Variants in TIAM1 observed in about 807,000 individuals in gnomAD.
TIAM1 encodes the protein rho guanine nucleotide exchange factor TIAM1.
A neutral mutation model predicts 163.5 loss-of-function variants in TIAM1; 65 were observed. The ratio of observed to expected loss-of-function variants is 0.40; its 90% CI spans 0.33 to 0.49. The LOEUF (loss-of-function observed/expected upper bound fraction) is 0.49. Among genes scored for constraint, TIAM1 ranks in the 20% least tolerant of loss-of-function variants. The pLI, the probability that TIAM1 is intolerant of heterozygous loss-of-function variation, is 0.77. For missense variants in TIAM1, 1,789 were observed against 2,044.7 expected (o/e 0.87, Z 2.41); for synonymous variants, 833 against 810.1 (o/e 1.03, Z -0.48).
chr21:31,479,887 G>A (rs2833424), intron 1 of TIAM1, among the ~76,000 whole-genome samples: 37,902 of 151,784 alleles, frequency 0.25, 5,271 homozygotes, highest in African/African-American at 0.38. Context: ...CATTCCCGGC[G>A]TCTGCCCTCC....
chr21:31,514,053 G>A (rs555692565), intron 1 of TIAM1, among the ~76,000 whole-genome samples: 3 of 152,174 alleles, frequency 2.0e-5, no homozygotes, highest in Admixed American at 6.6e-5. Context: ...CCAAAGGCCT[G>A]CGACAGAGGG....
intron 2 of TIAM1, among the ~76,000 whole-genome samples, chr21:31,402,120 G>A (rs1042938432): frequency 6.6e-6 from 1 of 151,904 alleles, no homozygotes; most frequent in East Asian, 1.9e-4. Context: ...GGCTGAGGCA[G>A]GAGAATCGCT....
intron 2 of TIAM1, among the ~76,000 whole-genome samples, chr21:31,423,344 C>T (rs774940582): frequency 4.6e-5 from 7 of 151,980 alleles, no homozygotes; most frequent in African/African-American, 7.3e-5. Flanking sequence ...ATGATCCCCT[C>T]GCCTCGGCCT....
intron 14 of TIAM1, among the ~76,000 whole-genome samples, chr21:31,183,768 C>T (rs1251784735): frequency 2.7e-5 from 4 of 150,512 alleles, no homozygotes; most frequent in Non-Finnish European, 4.4e-5. Flanking sequence ...GATCTTGGCT[C>T]ACTGCAACCT....
intron 8 of TIAM1, among the ~76,000 whole-genome samples, chr21:31,223,133 T>C (rs770118395): frequency 6.6e-6 from 1 of 152,116 alleles, no homozygotes; most frequent in African/African-American, 2.4e-5. Context: ...ACAAGAGCTA[T>C]CAACAAATAC....
chr21:31,402,934 A>G (rs151027127), intron 2 of TIAM1, among the ~76,000 whole-genome samples: 5,267 of 152,144 alleles, frequency 0.035, 137 homozygotes, highest in Non-Finnish European at 0.051. Context: ...CCTGGGCGAC[A>G]GAGTGAGACT....
At chr21:31,450,385 G>A (rs773891532) in intron 2 of TIAM1, among the ~76,000 whole-genome samples, 3 of 152,144 alleles carry the variant, frequency 2.0e-5, no homozygotes, top group Non-Finnish European at 2.9e-5. Context: ...TCCTCCTGTA[G>A]CTCTATTGTT....
intron 1 of TIAM1, among the ~76,000 whole-genome samples, chr21:31,340,659 C>T (rs948473893): frequency 3.9e-5 from 6 of 152,110 alleles, no homozygotes; most frequent in Non-Finnish European, 8.8e-5. Context: ...ACCGCCATGA[C>T]CAGCTTCCAA....
At chr21:31,365,869 C>A (rs1276836592) in intron 2 of TIAM1, among the ~76,000 whole-genome samples, 1 of 151,606 alleles carries the variant, frequency 6.6e-6, no homozygotes, top group Non-Finnish European at 1.5e-5. Flanking sequence ...TTGGAAGGCT[C>A]AGGCAGGTGG....
At chr21:31,387,055 C>T (rs1330435406) in intron 2 of TIAM1, among the ~76,000 whole-genome samples, 2 of 152,132 alleles carry the variant, frequency 1.3e-5, no homozygotes, top group South Asian at 2.1e-4. Flanking sequence ...TTAGCTGTGG[C>T]ACCACCTGCC....
intron 15 of TIAM1, among the ~76,000 whole-genome samples, chr21:31,168,013 T>G (rs1307320752): frequency 6.6e-6 from 1 of 151,144 alleles, no homozygotes; most frequent in Non-Finnish European, 1.5e-5. Context: ...GAAAAAGAGA[T>G]GGAAAAAGAA....
At chr21:31,379,293 C>T (rs2076739139) in intron 2 of TIAM1, among the ~76,000 whole-genome samples, 1 of 152,136 alleles carries the variant, frequency 6.6e-6, no homozygotes, top group Admixed American at 6.6e-5. Context: ...ATATAAGGAA[C>T]TTGAGCAGCC....
intron 1 of TIAM1, among the ~76,000 whole-genome samples, chr21:31,516,104 T>A (rs1355878756): frequency 7.9e-6 from 1 of 126,716 alleles, no homozygotes; most frequent in African/African-American, 3.3e-5. Context: ...CGAGACTCCA[T>A]CTCAAAAAAA....
At chr21:31,380,948 T>C (rs530631124) in intron 2 of TIAM1, among the ~76,000 whole-genome samples, 67 of 152,318 alleles carry the variant, frequency 4.4e-4, no homozygotes, top group Admixed American at 7.2e-4. Flanking sequence ...AGCTTCTCTA[T>C]AGGTAAAATG....
intron 1 of TIAM1, among the ~76,000 whole-genome samples, chr21:31,522,113 C>T (rs974696666): frequency 1.3e-5 from 2 of 151,820 alleles, no homozygotes; most frequent in African/African-American, 2.4e-5. Flanking sequence ...CCTTGTGATC[C>T]GCCCGCCTCG....
rs139038897 is a variant in TIAM1, at chr21:31,379,601, T to C, written c.-368-40179A>G. ...AGTTTCGTAGCAGCATTAGCTGTTA[T>C]GGCCAAAAAGAAAAATAACCCAAAT... is the stretch of plus-strand genomic sequence containing the variant. On this transcript the variant is annotated intron_variant, in intron 2 of 28. Coordinates refer to the TIAM1 transcript ENST00000286827. Among the ~76,000 whole-genome samples the C allele has an allele frequency of 1.5e-3, 232 of 152,096 alleles. 1 individual carries two copies. Among genetic ancestry groups the C allele is most frequent in the African/African-American group, 4.6e-3 (192 of 41,504 alleles).
chr21:31,553,963 T>C (rs937325954), intron 1 of TIAM1, among the ~76,000 whole-genome samples: 3 of 152,078 alleles, frequency 2.0e-5, no homozygotes, highest in African/African-American at 7.2e-5. Flanking sequence ...GGGCTCATTA[T>C]TACCCCTGCA....
At chr21:31,221,663 G>A (rs187482092) in intron 8 of TIAM1, among the ~76,000 whole-genome samples, 9 of 152,300 alleles carry the variant, frequency 5.9e-5, no homozygotes, top group Middle Eastern at 3.4e-3. Flanking sequence ...ATCTAGCAAG[G>A]TACAGTAAGA....
intron 1 of TIAM1, among the ~76,000 whole-genome samples, chr21:31,509,247 C>A (rs998299177): frequency 6.6e-6 from 1 of 152,180 alleles, no homozygotes; most frequent in Non-Finnish European, 1.5e-5. Flanking sequence ...ATTTAGGGAA[C>A]CACTACTACA....
Sources: allele counts gnomAD v4.1 joint callset (sites outside exome capture counted in the v4.1 genomes callset), GRCh38; gene constraint gnomAD v4.1.1; transcripts MANE v1.5; gene names NCBI Gene and HGNC (gene_info 2026-07-23, HGNC 2026-07-21).